Variants in CBLB observed in about 807,000 individuals in gnomAD.
CBLB encodes Cbl proto-oncogene B.
Under a neutral mutation model 104.9 loss-of-function variants are expected in CBLB, and 31 were observed. The observed-to-expected ratio is 0.30, with a 90% CI of 0.22 to 0.40. The LOEUF (loss-of-function observed/expected upper bound fraction) is 0.40. Among genes scored for constraint, CBLB ranks in the 10% least tolerant of loss-of-function variants. The probability of loss-of-function intolerance (pLI) is 1.00; values close to 1 mark genes in which losing one functional copy is unlikely to be tolerated. For missense variants in CBLB, 1,062 were observed against 1,214.6 expected (o/e 0.87, Z 1.87); for synonymous variants, 440 against 422.6 (o/e 1.04, Z -0.51).
rs190057450 is a variant in CBLB at position 105,762,995 on chromosome 3, G to C, written c.567-11377C>G. ...ATGAGAGCCCACCTCTTACAACAGC[G>C]TGCCCTGGACGTGAGACACGGAGTC... is the stretch of plus-strand genomic sequence containing the variant. On this transcript the variant is annotated intron_variant, in intron 4 of 18. Coordinates refer to ENST00000394030, the MANE Select transcript of CBLB (RefSeq NM_170662.5). Among the ~76,000 whole-genome samples the C allele has an allele frequency of 5.3e-4, 80 of 152,284 alleles. No individual in the cohort carries two copies. In the Middle Eastern group the frequency reaches 0.01, roughly 19 times the overall value.
chr3:105,791,381 C>A (rs1434684643), intron 3 of CBLB, among the ~76,000 whole-genome samples: 1 of 152,134 alleles, frequency 6.6e-6, no homozygotes, highest in Non-Finnish European at 1.5e-5. Flanking sequence ...ACAGTTAATT[C>A]CCTCACTTCC....
At chr3:105,695,409 G>T (rs927462292) in intron 12 of CBLB, among the ~76,000 whole-genome samples, 1 of 151,644 alleles carries the variant, frequency 6.6e-6, no homozygotes, top group African/African-American at 2.4e-5. Context: ...TTGCACATTA[G>T]GTAAATGAGA....
At chr3:105,697,122 T>C (rs2068489821) in intron 12 of CBLB, among the ~76,000 whole-genome samples, 1 of 151,992 alleles carries the variant, frequency 6.6e-6, no homozygotes, top group Non-Finnish European at 1.5e-5. Flanking sequence ...TTCTGTGCTT[T>C]ATTCCTCTTT....
chr3:105,851,744 T>C (rs1393554127), intron 3 of CBLB, among the ~76,000 whole-genome samples: 2 of 152,134 alleles, frequency 1.3e-5, no homozygotes, highest in Non-Finnish European at 2.9e-5. Flanking sequence ...ATAAGTAAAT[T>C]CACATAAAGC....
intron 3 of CBLB, among the ~76,000 whole-genome samples, chr3:105,830,915 A>G (rs1424402244): frequency 6.6e-6 from 1 of 152,234 alleles, no homozygotes; most frequent in Non-Finnish European, 1.5e-5. Context: ...AAAACATGGG[A>G]AGCACCAAAA....
chr3:105,724,975 C>T (rs1475257684), intron 9 of CBLB, among the ~76,000 whole-genome samples: 1 of 152,132 alleles, frequency 6.6e-6, no homozygotes, highest in African/African-American at 2.4e-5. Flanking sequence ...TTCAACACTA[C>T]ACTATAGGAT....
chr3:105,702,476 G>GAAAAAAAAAAAAAAAAAAAGAAAAA lies in CBLB; in HGVS notation c.1594-18_1594-17insTTTTTCTTTTTTTTTTTTTTTTTTT. On this transcript the variant is annotated splice_polypyrimidine_tract_variant and intron_variant, in intron 11 of 18. Coordinates refer to ENST00000394030, the MANE Select transcript of CBLB (RefSeq NM_170662.5). ...AGGAGAAGACTAAAGAAACAGAAGA[G>GAAAAAAAAAAAAAAAAAAAGAAAAA]AAAAAAAAAAAAAAAAAAAAAAACT... 3.6e-6 allele frequency: 1 copy of GAAAAAAAAAAAAAAAAAAAGAAAAA among 277,062 alleles called. No homozygotes were observed. The highest frequency in any genetic ancestry group is 8.6e-5 in the Admixed American group (1 of 11,668). The allele number at this position is 277,062 out of a possible 1,614,324, so 17.2% of individuals were successfully genotyped here.
intron 4 of CBLB, among the ~76,000 whole-genome samples, chr3:105,755,036 T>A (rs1217795933): frequency 3.7e-5 from 5 of 134,436 alleles, no homozygotes; most frequent in East Asian, 4.7e-4. Context: ...TTTTTTTTTT[T>A]ATTATACTCT....
chr3:105,758,888 G>A (rs930947072), intron 4 of CBLB, among the ~76,000 whole-genome samples: 5 of 152,234 alleles, frequency 3.3e-5, no homozygotes, highest in Non-Finnish European at 5.9e-5. Flanking sequence ...GGAGCCTGTA[G>A]GTGTGGGCTC....
chr3:105,703,821 A>G (rs1298241861), intron 11 of CBLB, among the ~76,000 whole-genome samples, 167 bp downstream of exon 11: 1 of 152,230 alleles, frequency 6.6e-6, no homozygotes, highest in Admixed American at 6.5e-5. Flanking sequence ...TCATAGTAAT[A>G]AAACAAGAAA....
At chr3:105,729,583 C>A (rs964538232) in intron 9 of CBLB, among the ~76,000 whole-genome samples, 46 of 152,148 alleles carry the variant, frequency 3.0e-4, no homozygotes, top group African/African-American at 1.1e-3. Context: ...TAATCTAAGT[C>A]CAGACACCTA....
intron 2 of CBLB, among the ~76,000 whole-genome samples, chr3:105,862,409 C>T: frequency 6.6e-6 from 1 of 152,156 alleles, no homozygotes; most frequent in East Asian, 1.9e-4. Flanking sequence ...CCTCAAGAGT[C>T]ACTTTCACTG....
chr3:105,779,560 A>G (rs569990409), intron 3 of CBLB, among the ~76,000 whole-genome samples: 1 of 152,172 alleles, frequency 6.6e-6, no homozygotes, highest in South Asian at 2.1e-4. Flanking sequence ...ACACTCACAC[A>G]CACTCCATAT....
chr3:105,839,064 A>G (rs2089121926), intron 3 of CBLB, among the ~76,000 whole-genome samples: 1 of 152,222 alleles, frequency 6.6e-6, no homozygotes, highest in Non-Finnish European at 1.5e-5. Flanking sequence ...ACATAAAAGG[A>G]GATAATTTGA....
At chr3:105,746,510 AT>A (rs2076114483) in intron 5 of CBLB, among the ~76,000 whole-genome samples, 1 of 152,112 alleles carries the variant, frequency 6.6e-6, no homozygotes. Context: ...CCAGCCTGCT[AT>A]TGTCTTGAAC....
chr3:105,856,709 A>G (rs2091654276), intron 2 of CBLB, among the ~76,000 whole-genome samples: 2 of 152,192 alleles, frequency 1.3e-5, no homozygotes, highest in Admixed American at 1.3e-4. Context: ...AAGTAATAAT[A>G]GTATTTTTAT....
intron 4 of CBLB, among the ~76,000 whole-genome samples, chr3:105,758,663 G>A (rs567218572): frequency 3.7e-4 from 56 of 152,356 alleles, no homozygotes; most frequent in Admixed American, 1.3e-3. Context: ...CAGCCACTGC[G>A]CACAGCCAAG....
chr3:105,758,607 C>T (rs942399821), intron 4 of CBLB, among the ~76,000 whole-genome samples: 1 of 152,242 alleles, frequency 6.6e-6, no homozygotes, highest in African/African-American at 2.4e-5. Flanking sequence ...AAGGACGAGT[C>T]AGATGCGGAG....
intron 3 of CBLB, among the ~76,000 whole-genome samples, chr3:105,800,221 C>A (rs1220209262): frequency 1.3e-5 from 2 of 152,136 alleles, no homozygotes; most frequent in African/African-American, 4.8e-5. Flanking sequence ...ATTAAATCCG[C>A]ATGTGCAGAC....
Sources: gnomAD v4.1 joint callset for allele counts (sites outside exome capture counted in the v4.1 genomes callset) on GRCh38, gnomAD v4.1.1 for gene constraint, MANE v1.5 for transcripts, NCBI Gene and HGNC (gene_info 2026-07-23, HGNC 2026-07-21) for gene names.